Variants in MDGA2 observed in about 807,000 individuals in gnomAD.
The protein encoded by MDGA2 is MAM domain containing glycosylphosphatidylinositol anchor 2, also known as MAM domain-containing glycosylphosphatidylinositol anchor protein 2.
In MDGA2, 40 loss-of-function variants were observed where a neutral mutation model predicts 117.8. The ratio of observed to expected loss-of-function variants is 0.34; its 90% CI spans 0.26 to 0.44. The LOEUF (loss-of-function observed/expected upper bound fraction) is 0.44, where lower values mean the gene tolerates loss of function less well. Among genes scored for constraint, MDGA2 ranks in the 20% least tolerant of loss-of-function variants. The pLI is 1.00. For missense variants in MDGA2, 1,123 were observed against 1,250.6 expected, an observed-to-expected ratio of 0.90 and a Z score of 1.54; for synonymous variants, 452 against 439.0, an observed-to-expected ratio of 1.03 and a Z score of -0.37.
chr14:47,488,774 A>G (rs1045602171), intron 1 of MDGA2, among the ~76,000 whole-genome samples: 9 of 152,072 alleles, frequency 5.9e-5, no homozygotes, highest in Admixed American at 4.6e-4. Flanking sequence ...CAAGGATGAT[A>G]ATTCATAACA....
chr14:47,139,813 T>TAC lies in MDGA2; in HGVS notation c.792+4263_792+4264dup, dbSNP rs1555357229. The stretch of plus-strand genomic sequence containing the variant: ...ATATGTGTATATATATGTATATATA[T>TAC]ACACACATATATATACACATATATA... On this transcript the variant is annotated intron_variant, in intron 4 of 16. Transcript: ENST00000399232. Among the ~76,000 whole-genome samples, 234 of 142,766 alleles carry TAC rather than the reference T, an allele frequency of 1.6e-3. 4 individuals are homozygous for TAC. Among genetic ancestry groups the TAC allele is most frequent in the African/African-American group, 5.5e-3 (209 of 38,192 alleles). The allele number at this position is 142,766 out of a possible 152,430, so 93.7% of individuals were successfully genotyped here.
intron 1 of MDGA2, among the ~76,000 whole-genome samples, chr14:47,438,020 T>C (rs1211711711): frequency 6.6e-6 from 1 of 152,144 alleles, no homozygotes; most frequent in African/African-American, 2.4e-5. Flanking sequence ...TTGTCAAATA[T>C]ACATGGAGCC....
chr14:47,323,196 T>G (rs1201366528), intron 1 of MDGA2, among the ~76,000 whole-genome samples: 3 of 112,428 alleles, frequency 2.7e-5, no homozygotes, highest in Admixed American at 1.7e-4. Flanking sequence ...ATATATATGG[T>G]ATATAGTTAC....
At chr14:47,054,987 AT>A (rs377004443) in intron 7 of MDGA2, among the ~76,000 whole-genome samples, 19,467 of 130,874 alleles carry the variant, frequency 0.15, 1,462 homozygotes, top group East Asian at 0.34. Context: ...CCGTTGTCCA[AT>A]TTTTTTTTCT....
intron 2 of MDGA2, among the ~76,000 whole-genome samples, chr14:47,275,139 G>C (rs1474459857): frequency 1.3e-5 from 2 of 152,118 alleles, no homozygotes; most frequent in African/African-American, 4.8e-5. Context: ...AATCACCTCA[G>C]CTTAGGTTTG....
intron 9 of MDGA2, among the ~76,000 whole-genome samples, chr14:46,939,550 C>T (rs1015827032): frequency 6.6e-6 from 1 of 152,112 alleles, no homozygotes; most frequent in Non-Finnish European, 1.5e-5. Flanking sequence ...TATTTGGAAG[C>T]TTAATCTTTG....
chr14:47,591,186 G>A (rs1454462148), intron 1 of MDGA2, among the ~76,000 whole-genome samples: 3 of 152,016 alleles, frequency 2.0e-5, no homozygotes, highest in Admixed American at 6.6e-5. Flanking sequence ...AAAGAAAACC[G>A]CTAATGTCTG....
chr14:47,071,482 A>C (rs907669705), intron 6 of MDGA2, among the ~76,000 whole-genome samples: 3 of 152,140 alleles, frequency 2.0e-5, no homozygotes, highest in African/African-American at 7.2e-5. Context: ...TTTTTGAAAA[A>C]GTATACCCTA....
intron 1 of MDGA2, among the ~76,000 whole-genome samples, chr14:47,468,763 T>C (rs1893656367): frequency 6.6e-6 from 1 of 152,108 alleles, no homozygotes; most frequent in South Asian, 2.1e-4. Context: ...CGACACCTCT[T>C]TTGGATATAA....
At chr14:47,487,474 G>C (rs1049646388) in intron 1 of MDGA2, among the ~76,000 whole-genome samples, 1 of 152,122 alleles carries the variant, frequency 6.6e-6, no homozygotes, top group Non-Finnish European at 1.5e-5. Context: ...ATGAAATAAA[G>C]TGAAAGACTA....
chr14:47,520,372 C>A (rs1454502362), intron 1 of MDGA2, among the ~76,000 whole-genome samples: 4 of 152,146 alleles, frequency 2.6e-5, no homozygotes, highest in Admixed American at 1.3e-4. Context: ...AAATGATCAT[C>A]CAAAAGCACA....
At chr14:46,990,868 A>T (rs1376252868) in intron 8 of MDGA2, among the ~76,000 whole-genome samples, 1 of 58,504 alleles carries the variant, frequency 1.7e-5, no homozygotes, top group Non-Finnish European at 3.3e-5. Flanking sequence ...ACACACACCC[A>T]CACACACACA....
In MDGA2 at chr14:47,096,956, T is replaced by C; in HGVS notation, c.1093A>G (p.Thr365Ala). 2 of 1,613,230 alleles carry C rather than the reference T, an allele frequency of 1.2e-6. No individual in the cohort carries two copies. Among genetic ancestry groups the C allele is most frequent in the South Asian group, 2.2e-5 (2 of 91,060 alleles). The change falls in exon 6 of 17, where the codon ACC becomes GCC. Residue 365 changes from threonine to alanine, a missense_variant. By Grantham distance (58) the Thr-to-Ala change is moderately conservative. Coordinates refer to ENST00000399232, the MANE Select transcript of MDGA2 (RefSeq NM_001113498.3). ...TCATCTGAGGTGATGGCAGGTATGGTCAAAGTTCCTCCATTCAAAACAGTC... is the reference window on the plus strand; with the variant it reads ...TCATCTGAGGTGATGGCAGGTATGGCCAAAGTTCCTCCATTCAAAACAGTC... ...EKTVLNGGTL[T>A]IPAITSDDAG...
chr14:47,337,401 G>A (rs187319641), intron 1 of MDGA2, among the ~76,000 whole-genome samples: 1 of 152,148 alleles, frequency 6.6e-6, no homozygotes, highest in Non-Finnish European at 1.5e-5. Context: ...TCTTCTTTCT[G>A]AGAAATGTTG....
At chr14:47,672,346 G>A (rs1898089853) in intron 1 of MDGA2, among the ~76,000 whole-genome samples, 1 of 152,090 alleles carries the variant, frequency 6.6e-6, no homozygotes, top group Non-Finnish European at 1.5e-5. Context: ...ACAATCATCA[G>A]CTCAGTAGCA....
At chr14:47,115,046 A>G (rs1336646016) in intron 5 of MDGA2, among the ~76,000 whole-genome samples, 2 of 152,024 alleles carry the variant, frequency 1.3e-5, no homozygotes, top group Admixed American at 1.3e-4. Flanking sequence ...TGTAAAACAT[A>G]AGAAGTGGAC....
intron 14 of MDGA2, among the ~76,000 whole-genome samples, chr14:46,862,393 T>G (rs1307657015): frequency 6.7e-6 from 1 of 149,128 alleles, no homozygotes; most frequent in Non-Finnish European, 1.5e-5. Context: ...AGCCTGATTA[T>G]TATTTTAATA....
At chr14:47,518,958 T>C (rs1894811841) in intron 1 of MDGA2, among the ~76,000 whole-genome samples, 1 of 152,070 alleles carries the variant, frequency 6.6e-6, no homozygotes, top group African/African-American at 2.4e-5. Context: ...AATCCCAGCA[T>C]TTTGGGAAGC....
At chr14:47,325,492 C>T (rs188704910) in intron 1 of MDGA2, among the ~76,000 whole-genome samples, 35 of 152,218 alleles carry the variant, frequency 2.3e-4, no homozygotes, top group African/African-American at 7.0e-4. Context: ...ATGATATTCA[C>T]AATATAATCT....
Sources: allele counts gnomAD v4.1 joint callset (sites outside exome capture counted in the v4.1 genomes callset), GRCh38; gene constraint gnomAD v4.1.1; transcripts MANE v1.5; gene names NCBI Gene and HGNC (gene_info 2026-07-23, HGNC 2026-07-21).